MBOAT1: variants seen among roughly 807,000 people sequenced by gnomAD.
The protein encoded by MBOAT1 is membrane-bound glycerophospholipid O-acyltransferase 1.
Under a neutral mutation model 64.4 loss-of-function variants are expected in MBOAT1, and 67 were observed. That is an observed-to-expected ratio of 1.04 (90% CI 0.85 to 1.27). MBOAT1 has a LOEUF of 1.27. MBOAT1 is among the 50% of genes most tolerant of loss of function. The pLI is 0.00. For missense variants in MBOAT1, 563 were observed against 604.6 expected (o/e 0.93, Z 0.72); for synonymous variants, 229 against 218.9 (o/e 1.05, Z -0.41).
chr6:20,194,525 A>G (rs1762898536), intron 1 of MBOAT1, among the ~76,000 whole-genome samples: 1 of 152,186 alleles, frequency 6.6e-6, no homozygotes, highest in Non-Finnish European at 1.5e-5. Context: ...ACAGGGGTTA[A>G]GGGTTATGGG....
At position 20,212,403 on chromosome 6, in the gene MBOAT1, G is replaced by A; in HGVS notation, c.-169C>T. ...ATGCGAACCGGCGCAAACTCTCGAG[G>A]CGCAAACTCTCGAGGCGCAAACTTG... On this transcript the variant is annotated 5_prime_UTR_variant, in exon 1 of 13. Transcript: ENST00000324607. The A allele has an allele frequency of 1.6e-6, 1 of 630,318 alleles. No homozygotes were observed. The highest frequency in any genetic ancestry group is 2.7e-6 in the Non-Finnish European group (1 of 368,846). 39.0% of individuals were successfully genotyped at this position (630,318 alleles called of 1,614,324 possible).
chr6:20,119,816 G>T (rs1393150620), intron 8 of MBOAT1, among the ~76,000 whole-genome samples: 1 of 152,196 alleles, frequency 6.6e-6, no homozygotes, highest in Non-Finnish European at 1.5e-5. Flanking sequence ...GAGTGACAGA[G>T]ATCAATGACA....
intron 5 of MBOAT1, among the ~76,000 whole-genome samples, chr6:20,130,215 G>A (rs1760777423): frequency 6.6e-6 from 1 of 152,224 alleles, no homozygotes. Flanking sequence ...CCGCCCAGCT[G>A]AAATAATCTT....
intron 1 of MBOAT1, among the ~76,000 whole-genome samples, chr6:20,174,075 G>A (rs2113730400): frequency 6.6e-6 from 1 of 152,266 alleles, no homozygotes; most frequent in East Asian, 1.9e-4. Context: ...CTCAGATAAG[G>A]TCTTAGCACC....
chr6:20,139,828 TACAAGCATGAGTC>T (rs1761119023), intron 4 of MBOAT1, among the ~76,000 whole-genome samples: 1 of 152,142 alleles, frequency 6.6e-6, no homozygotes, highest in Admixed American at 6.5e-5. Flanking sequence ...GTGCTGAGAT[TACAAGCATGAGTC>T]ACCGTGCCCA....
chr6:20,121,135 C>G (rs1285035204), intron 8 of MBOAT1, among the ~76,000 whole-genome samples: 8 of 152,180 alleles, frequency 5.3e-5, no homozygotes, highest in Non-Finnish European at 1.2e-4. Context: ...TAAACAGTAT[C>G]TAGAGCTAGG....
intron 3 of MBOAT1, among the ~76,000 whole-genome samples, chr6:20,146,670 C>T (rs933392972): frequency 1.3e-5 from 2 of 152,196 alleles, no homozygotes; most frequent in Admixed American, 1.3e-4. Context: ...GCCATGCCTG[C>T]TGCTTCCCCT....
At chr6:20,163,290 T>C (rs1691200146) in intron 1 of MBOAT1, among the ~76,000 whole-genome samples, 2 of 152,186 alleles carry the variant, frequency 1.3e-5, no homozygotes, top group Admixed American at 6.5e-5. Context: ...AAGCACGCTG[T>C]TACTCCTCAC....
chr6:20,196,848 G>A (rs568450040), intron 1 of MBOAT1, among the ~76,000 whole-genome samples: 2 of 140,718 alleles, frequency 1.4e-5, no homozygotes, highest in African/African-American at 5.2e-5. Flanking sequence ...GGCAACAAGA[G>A]CGAAACTCCA....
intron 1 of MBOAT1, among the ~76,000 whole-genome samples, chr6:20,178,476 T>C (rs1055766629): frequency 3.9e-5 from 6 of 152,086 alleles, no homozygotes; most frequent in African/African-American, 1.4e-4. Flanking sequence ...CAATGAATAA[T>C]CCTCTAAGCT....
At chr6:20,196,298 C>T (rs943813295) in intron 1 of MBOAT1, among the ~76,000 whole-genome samples, 1 of 152,126 alleles carries the variant, frequency 6.6e-6, no homozygotes, top group Non-Finnish European at 1.5e-5. Flanking sequence ...CATAAGCACC[C>T]AATCAAAAAT....
intron 1 of MBOAT1, among the ~76,000 whole-genome samples, chr6:20,161,107 C>G (rs1192561730): frequency 6.6e-6 from 1 of 152,130 alleles, no homozygotes; most frequent in Admixed American, 6.6e-5. Context: ...CTCCTCATCG[C>G]TTGCATTACC....
chr6:20,168,502 A>AG (rs1396179772), intron 1 of MBOAT1, among the ~76,000 whole-genome samples: 147 of 92,788 alleles, frequency 1.6e-3, no homozygotes, highest in African/African-American at 7.8e-3. Context: ...AGAGAGAGAG[A>AG]GAGAGGAGAG....
In MBOAT1 at chr6:20,206,299, G is replaced by A. The variant is rs942136694; in HGVS notation, c.99+5837C>T. Among the ~76,000 whole-genome samples, 7 of 152,176 alleles carry A rather than the reference G, an allele frequency of 4.6e-5. No individual in the cohort carries two copies. In the Middle Eastern group the frequency reaches 0.01, roughly 222 times the overall value. On this transcript the variant is annotated intron_variant, in intron 1 of 12. Coordinates refer to ENST00000324607, the MANE Select transcript of MBOAT1 (RefSeq NM_001080480.3). The stretch of plus-strand genomic sequence containing the variant: ...AGTGATTCTCTTGCCTCAGCCTCCC[G>A]AGTAGCTAGGACTGCAGGCTTGTGC...
At chr6:20,143,789 C>A (rs1761249252) in intron 4 of MBOAT1, among the ~76,000 whole-genome samples, 1 of 152,038 alleles carries the variant, frequency 6.6e-6, no homozygotes. Context: ...GAAAACCAAC[C>A]CTGAGTTAAG....
chr6:20,107,019 T>C (rs944261255), intron 12 of MBOAT1, among the ~76,000 whole-genome samples: 4 of 152,182 alleles, frequency 2.6e-5, no homozygotes, highest in African/African-American at 9.7e-5. Flanking sequence ...AAATCACTTA[T>C]TGTGATCCCC....
chr6:20,126,683 A>G lies in MBOAT1; in HGVS notation c.548T>C (p.Leu183Ser), dbSNP rs1581407090. 9 of 1,609,382 alleles carry G rather than the reference A, an allele frequency of 5.6e-6. No homozygotes were observed. The highest frequency in any genetic ancestry group is 7.6e-6 in the Non-Finnish European group (9 of 1,177,882). The change falls in exon 7 of 13, where the codon TTG becomes TCG. Residue 183 changes from leucine (L) to serine (S), a missense_variant. Physicochemically the swap from Leu to Ser is moderately radical, Grantham distance 145 (BLOSUM62 -2). Transcript: ENST00000324607. ...RLAIKVKPSF[L>S]EYLSYLLNFM... ...ATTGAGAAGGTAACTTAAGTATTCC[A>G]AAAAAGAGGGTTTCACTCTGTGAAA...
chr6:20,101,948 T>C lies in MBOAT1; in HGVS notation c.*338A>G, dbSNP rs541539821. Among the ~76,000 whole-genome samples the C allele has an allele frequency of 8.0e-5, 12 of 150,912 alleles. No individual in the cohort carries two copies. The highest frequency in any genetic ancestry group is 1.6e-4 in the Non-Finnish European group (11 of 67,714). The stretch of plus-strand genomic sequence containing the variant: ...GGCTAAAACGGTGAAACCCCGTCTC[T>C]ACTAAAAATACAAAAAATTAGCCGG... On this transcript the variant is annotated 3_prime_UTR_variant, in exon 13 of 13. Transcript: ENST00000324607.
chr6:20,161,893 C>T (rs1481918062), intron 1 of MBOAT1, among the ~76,000 whole-genome samples: 1 of 152,072 alleles, frequency 6.6e-6, no homozygotes, highest in East Asian at 1.9e-4. Context: ...GGTTGGGGGG[C>T]AAAACACAAC....
Sources: gnomAD v4.1 joint callset for allele counts (sites outside exome capture counted in the v4.1 genomes callset) on GRCh38, gnomAD v4.1.1 for gene constraint, MANE v1.5 for transcripts, NCBI Gene and HGNC (gene_info 2026-07-23, HGNC 2026-07-21) for gene names.